The following PDE4D variants were observed in gnomAD, a reference collection of about 807,000 sequenced individuals.
The protein encoded by PDE4D is 3',5'-cyclic-AMP phosphodiesterase 4D.
Under a neutral mutation model 87.4 loss-of-function variants are expected in PDE4D, and 24 were observed. The observed-to-expected ratio is 0.27, with a 90% CI of 0.20 to 0.39. PDE4D has a LOEUF of 0.39. PDE4D is among the 10% of genes least tolerant of loss of function. The pLI is 1.00. For missense variants in PDE4D, 714 were observed against 1,041.0 expected (o/e 0.69, Z 4.32); for synonymous variants, 384 against 383.2 (o/e 1.00, Z -0.02).
At chr5:60,516,110 T>C (rs1299762910) in intron 1 of PDE4D, among the ~76,000 whole-genome samples, 1 of 152,246 alleles carries the variant, frequency 6.6e-6, no homozygotes, top group Non-Finnish European at 1.5e-5. Flanking sequence ...TTGTGAATAT[T>C]AAGTTTGCGA....
At chr5:59,492,958 C>T (rs1178205523) in intron 1 of PDE4D, among the ~76,000 whole-genome samples, 2 of 152,158 alleles carry the variant, frequency 1.3e-5, no homozygotes, top group African/African-American at 4.8e-5. Flanking sequence ...GAGGTCTCCC[C>T]AGCCATGTGG....
intron 1 of PDE4D, among the ~76,000 whole-genome samples, chr5:59,790,890 A>G (rs977907293): frequency 1.3e-5 from 2 of 152,118 alleles, no homozygotes; most frequent in South Asian, 4.2e-4. Context: ...TTTCTCTGAT[A>G]ATAATTTTGC....
chr5:59,172,201 A>C (rs1398566233), intron 5 of PDE4D, among the ~76,000 whole-genome samples: 6 of 111,622 alleles, frequency 5.4e-5, no homozygotes, highest in Admixed American at 1.2e-4. Flanking sequence ...TATATAATAA[A>C]TATGTATATA....
chr5:60,425,662 C>T (rs894967231), intron 1 of PDE4D, among the ~76,000 whole-genome samples: 16 of 145,548 alleles, frequency 1.1e-4, no homozygotes, highest in African/African-American at 4.3e-4. Flanking sequence ...GCAATGGCAA[C>T]AAAAGCCAAC....
intron 1 of PDE4D, among the ~76,000 whole-genome samples, chr5:60,242,104 A>G (rs1747198064): frequency 6.6e-6 from 1 of 152,152 alleles, no homozygotes; most frequent in South Asian, 2.1e-4. Context: ...CACTTCACCT[A>G]TAAACACACA....
intron 1 of PDE4D, among the ~76,000 whole-genome samples, chr5:59,321,184 C>T (rs965674106): frequency 6.6e-5 from 10 of 152,000 alleles, no homozygotes; most frequent in African/African-American, 9.7e-5. Context: ...GCTCCTGTTC[C>T]ACCAACATGG....
intron 2 of PDE4D, among the ~76,000 whole-genome samples, chr5:60,130,030 G>A (rs1185836678): frequency 6.6e-6 from 1 of 152,230 alleles, no homozygotes; most frequent in Middle Eastern, 3.4e-3. Flanking sequence ...AGGCCCCAGA[G>A]ACCTGACTTG....
At chr5:59,277,588 T>C (rs1765060480) in intron 1 of PDE4D, among the ~76,000 whole-genome samples, 1 of 152,162 alleles carries the variant, frequency 6.6e-6, no homozygotes, top group African/African-American at 2.4e-5. Flanking sequence ...TACTATTTAT[T>C]TGAAACACTG....
chr5:59,462,250 A>T (rs1281678470), intron 1 of PDE4D, among the ~76,000 whole-genome samples: 2 of 152,066 alleles, frequency 1.3e-5, no homozygotes, highest in African/African-American at 2.4e-5. Flanking sequence ...TCATTATCTT[A>T]TTATATCATC....
chr5:60,352,289 A>G (rs532691456), intron 1 of PDE4D, among the ~76,000 whole-genome samples: 1 of 152,288 alleles, frequency 6.6e-6, no homozygotes, highest in East Asian at 1.9e-4. Flanking sequence ...CAGTTACTGG[A>G]CAGTTTGCAT....
chr5:59,090,595 A>G (rs1012902306), intron 5 of PDE4D, among the ~76,000 whole-genome samples: 1 of 152,120 alleles, frequency 6.6e-6, no homozygotes, highest in Non-Finnish European at 1.5e-5. Context: ...CATGAGAACA[A>G]CCATAAGGAA....
chr5:60,456,539 A>G (rs1197042422), intron 1 of PDE4D, among the ~76,000 whole-genome samples: 1 of 152,188 alleles, frequency 6.6e-6, no homozygotes, highest in Admixed American at 6.5e-5. Context: ...TTTTGGTTTT[A>G]ATCCCTTGGA....
At chr5:59,586,408 T>C (rs1240741344) in intron 1 of PDE4D, 2 of 1,608,066 alleles carry the variant, frequency 1.2e-6, no homozygotes, top group Non-Finnish European at 1.7e-6. Context: ...ATATTTTTCT[T>C]GTCTCCTACG....
chr5:60,016,645 G>A (rs762133352), intron 2 of PDE4D, among the ~76,000 whole-genome samples: 23 of 152,118 alleles, frequency 1.5e-4, no homozygotes, highest in African/African-American at 3.6e-4. Flanking sequence ...TGTTCACAGC[G>A]TCTTCATCAG....
At chr5:60,053,205 A>C (rs867290914) in intron 2 of PDE4D, among the ~76,000 whole-genome samples, 1 of 152,128 alleles carries the variant, frequency 6.6e-6, no homozygotes, top group African/African-American at 2.4e-5. Flanking sequence ...AATTTCATAC[A>C]GAACCAAAAA....
intron 2 of PDE4D, among the ~76,000 whole-genome samples, chr5:60,058,679 G>C (rs1771051326): frequency 6.6e-6 from 1 of 151,716 alleles, no homozygotes; most frequent in Non-Finnish European, 1.5e-5. Flanking sequence ...ATAAAAGTTA[G>C]AATATCCCCA....
chr5:59,815,672 G>T (rs72751272), intron 1 of PDE4D, among the ~76,000 whole-genome samples: 34,045 of 151,980 alleles, frequency 0.22, 4,816 homozygotes, highest in Admixed American at 0.33. Context: ...GGGGCCAGGA[G>T]AATGCTACAG....
chr5:59,210,041 G>A (rs909604919), intron 2 of PDE4D, among the ~76,000 whole-genome samples: 14 of 152,230 alleles, frequency 9.2e-5, no homozygotes, highest in Admixed American at 8.5e-4. Flanking sequence ...TACCTCCCCA[G>A]CTGGGAAAAA....
At chr5:60,446,931 T>C (rs1186621897) in intron 1 of PDE4D, among the ~76,000 whole-genome samples, 4 of 151,984 alleles carry the variant, frequency 2.6e-5, no homozygotes, top group Non-Finnish European at 4.4e-5. Flanking sequence ...AAGAGATTTG[T>C]GGGGGGCGCT....
Sources: gnomAD v4.1 joint callset for allele counts (sites outside exome capture counted in the v4.1 genomes callset) on GRCh38, gnomAD v4.1.1 for gene constraint, MANE v1.5 for transcripts, NCBI Gene and HGNC (gene_info 2026-07-23, HGNC 2026-07-21) for gene names.